The following RGPD3 variants were observed in gnomAD, a reference collection of about 807,000 sequenced individuals.
The protein encoded by RGPD3 is ranBP2-like and GRIP domain-containing protein 3.
Under a neutral mutation model 154.5 loss-of-function variants are expected in RGPD3, and 62 were observed. That is an observed-to-expected ratio of 0.40 (90% CI 0.33 to 0.50). The LOEUF (loss-of-function observed/expected upper bound fraction) is 0.50. Ranked by LOEUF, RGPD3 falls within the 20% of genes least tolerant of loss-of-function variation. RGPD3 has a pLI of 0.59. For missense variants in RGPD3, 919 were observed against 1,716.8 expected, an observed-to-expected ratio of 0.54 and a Z score of 8.21; for synonymous variants, 308 against 607.0, an observed-to-expected ratio of 0.51 and a Z score of 7.24.
chr2:106,415,628 G>A (rs549366414), intron 21 of RGPD3, among the ~76,000 whole-genome samples: 147 of 127,774 alleles, frequency 1.2e-3, no homozygotes, highest in Admixed American at 1.7e-3. Flanking sequence ...AGTGAGCCGG[G>A]ATCGTGCCAC....
intron 22 of RGPD3, among the ~76,000 whole-genome samples, chr2:106,412,303 T>G (rs1285415904): frequency 0.012 from 843 of 67,524 alleles, no homozygotes; most frequent in African/African-American, 0.044. Flanking sequence ...GTTTTTTTTT[T>G]TTTTTTTTTT....
Position 106,468,280 on chromosome 2 carries a change from G to C in RGPD3, c.9C>G (p.Cys3Trp). Reference sequence around the variant, plus strand: ...CGTACCGCTCCCCGTAGGCCTTGCTGCAACTCATCGCGCCACCAACCTGGC... The same window carrying C: ...CGTACCGCTCCCCGTAGGCCTTGCTCCAACTCATCGCGCCACCAACCTGGC... MS[C>W]SKAYGERYVA... Residue 3 changes from cysteine (C) to tryptophan (W), a missense_variant, in exon 1 of 23, where the codon TGC (cysteine) becomes TGG (tryptophan). By Grantham distance (215) the Cys-to-Trp change is radical. Transcript: ENST00000409886. The C allele has an allele frequency of 6.2e-7, 1 of 1,606,578 alleles. No homozygotes were observed. The highest frequency in any genetic ancestry group is 8.5e-7 in the Non-Finnish European group (1 of 1,177,792).
intron 20 of RGPD3, among the ~76,000 whole-genome samples, chr2:106,420,588 C>A (rs1209648073): frequency 6.6e-6 from 1 of 152,218 alleles, no homozygotes; most frequent in Non-Finnish European, 1.5e-5. Flanking sequence ...AACACACACA[C>A]TGGATTTTGA....
At chr2:106,446,680 C>A (rs1270185883) in intron 7 of RGPD3, among the ~76,000 whole-genome samples, 1 of 139,732 alleles carries the variant, frequency 7.2e-6, no homozygotes, top group African/African-American at 2.6e-5. Flanking sequence ...CAAGAGATTG[C>A]GACCATCCTG....
At chr2:106,464,071 C>G (rs1230893334) in intron 1 of RGPD3, among the ~76,000 whole-genome samples, 1 of 152,192 alleles carries the variant, frequency 6.6e-6, no homozygotes, top group Non-Finnish European at 1.5e-5. Context: ...TGGGGCCCGG[C>G]GCGGTGGCTC....
intron 4 of RGPD3, among the ~76,000 whole-genome samples, chr2:106,454,941 G>T (rs1437524118): frequency 2.2e-3 from 328 of 151,308 alleles, no homozygotes; most frequent in African/African-American, 7.7e-3. Context: ...CAAAAATCTG[G>T]ACATGATTGT....
At chr2:106,412,203 T>C (rs896488167) in intron 22 of RGPD3, among the ~76,000 whole-genome samples, 7 of 142,020 alleles carry the variant, frequency 4.9e-5, no homozygotes, top group Non-Finnish European at 9.1e-5. Flanking sequence ...CAGTTAACTA[T>C]AGCAGTTGTA....
chr2:106,450,890 A>AAAAAAAAAAAAAAAAAAAG (rs1553462282), intron 6 of RGPD3, among the ~76,000 whole-genome samples: 2 of 118,842 alleles, frequency 1.7e-5, no homozygotes, highest in African/African-American at 3.2e-5. Flanking sequence ...TCAAAAAAAA[A>AAAAAAAAAAAAAAAAAAAG]AGAGAGATTG....
At chr2:106,434,105 T>C (rs1677461486) in intron 15 of RGPD3, 123 bp downstream of exon 15, 2 of 1,550,960 alleles carry the variant, frequency 1.3e-6, no homozygotes, top group Admixed American at 1.7e-5. Context: ...ACACATCCCT[T>C]CTGTGCATTA....
intron 6 of RGPD3, among the ~76,000 whole-genome samples, chr2:106,449,792 C>A (rs1349125841): frequency 6.6e-6 from 1 of 151,588 alleles, no homozygotes; most frequent in African/African-American, 2.4e-5. Flanking sequence ...CCGAGGCAGG[C>A]GGATCACAAG....
chr2:106,470,888 C>T (rs572831113), upstream of RGPD3: 29 of 1,595,008 alleles, frequency 1.8e-5, 1 homozygote, highest in East Asian at 6.3e-4. Context: ...TTGTGTTGGA[C>T]ATCGTCAGAG....
At position 106,424,467 on chromosome 2, in the gene RGPD3, C is replaced by T. The variant is rs968504501; in HGVS notation, c.3500G>A (p.Cys1167Tyr). 1.1e-5 allele frequency: 18 copies of T among 1,607,292 alleles called. No individual in the cohort carries two copies. Among genetic ancestry groups the T allele is most frequent in the Non-Finnish European group, 1.4e-5 (17 of 1,179,540 alleles). The part of the protein sequence containing the change: ...AEEFKQKFEE[C>Y]QRLLLDIPLQ... ...TGGTATGTCTAACAGAAGCCGCTGG[C>T]ATTCCTCAAATTTCTGCTTGAATTC... Residue 1167 changes from cysteine (C) to tyrosine (Y), a missense_variant, in exon 20 of 23, where the codon TGC becomes TAC. Cys to Tyr is a radical substitution (Grantham distance 194). Transcript: ENST00000409886.
chr2:106,424,012 C>G lies in RGPD3; in HGVS notation c.3955G>C (p.Asp1319His), dbSNP rs1677095587. Residue 1319 changes from aspartate to histidine, a missense_variant, in exon 20 of 23, where the codon GAT becomes CAT. Physicochemically the swap from Asp to His is moderately conservative, Grantham distance 81. Transcript: ENST00000409886. The part of the protein sequence containing the change: ...LNQSGTSVGT[D>H]EESDVTQEEE... ...TCTTGAGTAACATCAGATTCTTCAT[C>G]AGTGCCAACTGAAGTCCCACTCTGA... The G allele has an allele frequency of 6.2e-7, 1 of 1,611,618 alleles. No homozygotes were observed. Among genetic ancestry groups the G allele is most frequent in the South Asian group, 1.1e-5 (1 of 90,966 alleles).
intron 6 of RGPD3, among the ~76,000 whole-genome samples, chr2:106,448,769 C>A (rs1481243512): frequency 6.6e-6 from 1 of 152,020 alleles, no homozygotes; most frequent in Non-Finnish European, 1.5e-5. Context: ...TGGCTTACTG[C>A]AACCTCTGAC....
In RGPD3 at chr2:106,405,134, TAATA is replaced by T. The variant is rs1676466811; in HGVS notation, c.*81_*84del. 8 of 1,581,874 alleles carry T rather than the reference TAATA, an allele frequency of 5.1e-6. No homozygotes were observed. The highest frequency in any genetic ancestry group is 4.1e-5 in the African/African-American group (3 of 73,522). ...TTTTTGTAAATAGATTTTATTTGGT[TAATA>T]AAAACATTCCTTCCATCAACCTATC... On this transcript the variant is annotated 3_prime_UTR_variant, in exon 23 of 23. Transcript: ENST00000409886.
chr2:106,409,263 T>G (rs1676599201), intron 22 of RGPD3, among the ~76,000 whole-genome samples: 1 of 152,142 alleles, frequency 6.6e-6, no homozygotes, highest in South Asian at 2.1e-4. Context: ...AAGGCCTTGG[T>G]AACAAAATGC....
rs1677272572 is a variant in RGPD3, at chr2:106,428,677, GC to G, written c.2605+968del. 3.3e-5 allele frequency among the ~76,000 whole-genome samples: 5 copies of G among 151,870 alleles called. No individual in the cohort carries two copies. The South Asian group carries it at 8.5e-4, about 26-fold the overall frequency. Reference sequence around the variant, plus strand: ...AGATTTTATTCTAAATCTTTCCTGGGCTAAAAAGAGAGAGAGAGAAAAAAAA... The same window carrying G: ...AGATTTTATTCTAAATCTTTCCTGGGTAAAAAGAGAGAGAGAGAAAAAAAA... On this transcript the variant is annotated intron_variant, in intron 18 of 22. Coordinates refer to ENST00000409886, the MANE Select transcript of RGPD3 (RefSeq NM_001144013.2).
Position 106,424,563 on chromosome 2 carries a change from C to T in RGPD3, c.3404G>A (p.Ser1135Asn). 6.2e-7 allele frequency: 1 copy of T among 1,610,418 alleles called. No individual in the cohort carries two copies. Among genetic ancestry groups the T allele is most frequent in the African/African-American group, 1.3e-5 (1 of 74,810 alleles). Residue 1135 changes from serine to asparagine, a missense_variant, in exon 20 of 23, where the codon AGT (serine) becomes AAT (asparagine). Physicochemically the swap from Ser to Asn is conservative, Grantham distance 46. Coordinates refer to ENST00000409886, the MANE Select transcript of RGPD3 (RefSeq NM_001144013.2). The stretch of plus-strand genomic sequence containing the variant: ...TTTGGCATCACCATCAGAGAAATCA[C>T]TGGCTGACCACATCCATGCTCTATC... ...GSDRAWMWSA[S>N]DFSDGDAKLE...
intron 1 of RGPD3, among the ~76,000 whole-genome samples, chr2:106,465,799 G>C (rs1169797481): frequency 6.6e-6 from 1 of 151,794 alleles, no homozygotes; most frequent in Non-Finnish European, 1.5e-5. Flanking sequence ...AGGTGAGTAT[G>C]AGGAGTGGAG....
Sources: gnomAD v4.1 joint callset for allele counts (sites outside exome capture counted in the v4.1 genomes callset) on GRCh38, gnomAD v4.1.1 for gene constraint, MANE v1.5 for transcripts, NCBI Gene and HGNC (gene_info 2026-07-23, HGNC 2026-07-21) for gene names.